Variants in PARP9 observed in about 807,000 individuals in gnomAD.
The protein encoded by PARP9 is poly(ADP-ribose) polymerase family member 9.
In PARP9, 48 loss-of-function variants were observed where a neutral mutation model predicts 68.8. The ratio of observed to expected loss-of-function variants is 0.70; its 90% CI spans 0.55 to 0.89. The LOEUF (loss-of-function observed/expected upper bound fraction) is 0.89, where lower values mean the gene tolerates loss of function less well. PARP9 is among the 40% of genes least tolerant of loss of function. The pLI is 0.00. For synonymous variants in PARP9, 309 were observed against 333.8 expected, an observed-to-expected ratio of 0.93 and a Z score of 0.81; for missense variants, 806 against 969.3, an observed-to-expected ratio of 0.83 and a Z score of 2.24.
In PARP9 at chr3:122,560,735, A is replaced by G. The variant is rs184852426; in HGVS notation, c.-89-1026T>C. ...ATAGAAACATTTTGTACAACCATCTACAGCATCAGAGCACTATTCTTACTC... is the reference window on the plus strand; with the variant it reads ...ATAGAAACATTTTGTACAACCATCTGCAGCATCAGAGCACTATTCTTACTC... On this transcript the variant is annotated intron_variant, in intron 1 of 10. Coordinates refer to ENST00000682323, the MANE Select transcript of PARP9 (RefSeq NM_001146105.2). 9.8e-5 allele frequency among the ~76,000 whole-genome samples: 15 copies of G among 152,320 alleles called. No homozygotes were observed. The East Asian group carries it at 2.5e-3, about 25-fold the overall frequency.
At chr3:122,540,898 GT>G (rs200685111) in intron 7 of PARP9, 46 bp from the exon 8 acceptor site, 184 of 1,462,720 alleles carry the variant, frequency 1.3e-4, no homozygotes, top group South Asian at 3.0e-4. Context: ...GCAGTTTTTT[GT>G]TTTTTTTTTG....
intron 10 of PARP9, chr3:122,533,712 T>C (rs1176242744): frequency 1.0e-6 from 1 of 985,454 alleles, no homozygotes; most frequent in Non-Finnish European, 1.2e-6. Flanking sequence ...AGAAACTGCA[T>C]GTGTAGATGC....
At chr3:122,539,507 A>ATTTATTTATTTCTTTC (rs1553714535) in intron 8 of PARP9, among the ~76,000 whole-genome samples, 1 of 133,162 alleles carries the variant, frequency 7.5e-6, no homozygotes, top group African/African-American at 2.9e-5. Context: ...CCAAGATGGC[A>ATTTATTTATTTCTTTC]TTTCTTTCTT....
At chr3:122,547,016 A>T (rs7653866) in intron 6 of PARP9, among the ~76,000 whole-genome samples, 2,648 of 66,084 alleles carry the variant, frequency 0.04, 135 homozygotes, top group African/African-American at 0.11. Flanking sequence ...ATATATATAC[A>T]CACACACACA....
intron 8 of PARP9, among the ~76,000 whole-genome samples, chr3:122,540,008 A>G (rs920447646): frequency 1.3e-5 from 2 of 152,232 alleles, no homozygotes; most frequent in Admixed American, 1.3e-4. Flanking sequence ...CACATTACCA[A>G]TGTATAACTT....
intron 3 of PARP9, 112 bp downstream of exon 3, chr3:122,558,322 C>A (rs2107730232): frequency 6.2e-7 from 1 of 1,613,650 alleles, no homozygotes; most frequent in East Asian, 2.2e-5. Flanking sequence ...GGTCTGCAGT[C>A]ACGCACCTGA....
intron 10 of PARP9, chr3:122,535,853 A>G (rs2077600624): frequency 5.2e-6 from 6 of 1,154,894 alleles, no homozygotes; most frequent in African/African-American, 3.2e-5. Context: ...CAAAAAAAAA[A>G]AAAAAAAGCC....
chr3:122,529,710 C>T (rs553470858), intron 10 of PARP9, among the ~76,000 whole-genome samples: 6 of 148,360 alleles, frequency 4.0e-5, no homozygotes, highest in African/African-American at 1.2e-4. Context: ...GCCGAGGTTG[C>T]GCCACTGCAC....
chr3:122,554,081 C>A (rs2079435285), intron 4 of PARP9, among the ~76,000 whole-genome samples: 1 of 152,186 alleles, frequency 6.6e-6, no homozygotes, highest in African/African-American at 2.4e-5. Context: ...CAGCCCCTGG[C>A]AGAGTTATAT....
At chr3:122,555,032 C>T (rs949760967) in intron 4 of PARP9, among the ~76,000 whole-genome samples, 6 of 151,974 alleles carry the variant, frequency 3.9e-5, no homozygotes, top group African/African-American at 1.4e-4. Context: ...TAAAAAAAAA[C>T]TTAAATTAAA....
rs564860433 is a variant in PARP9 at position 122,533,891 on chromosome 3, T to C, written c.2080+2277A>G. 3.5e-5 allele frequency: 34 copies of C among 985,494 alleles called. No homozygotes were observed. In the African/African-American group the frequency reaches 5.4e-4, roughly 16 times the overall value. 61.0% of individuals were successfully genotyped at this position (985,494 alleles called of 1,614,324 possible). On this transcript the variant is annotated intron_variant, in intron 10 of 10. Coordinates refer to ENST00000682323, the MANE Select transcript of PARP9 (RefSeq NM_001146105.2). ...CTGAGAGTCCTATAATTTGGAATATTGCACGGCTGAAAAAGCTAAGAGCTT... is the reference window on the plus strand; with the variant it reads ...CTGAGAGTCCTATAATTTGGAATATCGCACGGCTGAAAAAGCTAAGAGCTT...
At position 122,550,636 on chromosome 3, in the gene PARP9, T is replaced by A; in HGVS notation, c.1274A>T (p.His425Leu). The A allele has an allele frequency of 1.2e-6, 2 of 1,613,906 alleles. No homozygotes were observed. The highest frequency in any genetic ancestry group is 1.7e-6 in the Non-Finnish European group (2 of 1,180,002). Residue 425 changes from histidine to leucine, a missense_variant, in exon 6 of 11, where the codon CAC becomes CTC. Transcript: ENST00000682323. ...VLTFAKDHVK[H>L]QLTVKFVIFP... ...GATCACAAATTTTACAGTTAACTGG[T>A]GTTTTACATGGTCTTTGGCAAATGT...
rs771902999 is a variant in PARP9, at chr3:122,559,623, T to C, written c.-3A>G. ...CTTTTTACCATGGAAAAGTCCATCC[T>C]CCAGGTCCCCGGGGGAGTCTTTAAA... On this transcript the variant is annotated 5_prime_UTR_variant, in exon 2 of 11. Transcript: ENST00000682323. 7 of 1,589,970 alleles carry C rather than the reference T, an allele frequency of 4.4e-6. No homozygotes were observed. The highest frequency in any genetic ancestry group is 6.0e-6 in the Non-Finnish European group (7 of 1,168,124).
In PARP9 at chr3:122,532,135, G is replaced by C. The variant is rs1235863269; in HGVS notation, c.2081-3392C>G. ...TGAGTGGAGAGTGGCAATGGCTGGAGAAGTCTCTGGAGCAGGTGAGGACCA... is the reference window on the plus strand; with the variant it reads ...TGAGTGGAGAGTGGCAATGGCTGGACAAGTCTCTGGAGCAGGTGAGGACCA... On this transcript the variant is annotated intron_variant, in intron 10 of 10. Coordinates refer to ENST00000682323, the MANE Select transcript of PARP9 (RefSeq NM_001146105.2). 7.1e-6 allele frequency: 7 copies of C among 985,252 alleles called. No individual in the cohort carries two copies. The East Asian group carries it at 6.8e-4, about 96-fold the overall frequency. 61.0% of individuals were successfully genotyped at this position (985,252 alleles called of 1,614,324 possible).
At chr3:122,548,666 G>T (rs2078953331) in intron 6 of PARP9, among the ~76,000 whole-genome samples, 1 of 152,134 alleles carries the variant, frequency 6.6e-6, no homozygotes, top group Non-Finnish European at 1.5e-5. Context: ...AACTCAGCTT[G>T]ATCTGTCCAC....
chr3:122,553,349 A>C (rs1170702584), intron 4 of PARP9, among the ~76,000 whole-genome samples: 1 of 152,088 alleles, frequency 6.6e-6, no homozygotes, highest in African/African-American at 2.4e-5. Context: ...TCCTTCCCCC[A>C]TGCCCAGATT....
intron 10 of PARP9, chr3:122,532,063 C>G: frequency 1.2e-6 from 1 of 807,254 alleles, no homozygotes; most frequent in Non-Finnish European, 1.5e-6. Context: ...CAGACAGGAC[C>G]CTGGCCTGAC....
intron 1 of PARP9, among the ~76,000 whole-genome samples, chr3:122,561,701 TTCTG>T (rs1236079773): frequency 6.6e-6 from 1 of 152,192 alleles, no homozygotes; most frequent in Admixed American, 6.5e-5. Flanking sequence ...TGCCCCAGGA[TTCTG>T]TCTAAGGCGT....
intron 10 of PARP9, chr3:122,534,390 A>G: frequency 1.0e-6 from 1 of 985,452 alleles, no homozygotes; most frequent in African/African-American, 1.7e-5. Flanking sequence ...TGCAAAATAA[A>G]GGTTTTACAA....
Sources: allele counts gnomAD v4.1 joint callset (sites outside exome capture counted in the v4.1 genomes callset), GRCh38; gene constraint gnomAD v4.1.1; transcripts MANE v1.5; gene names NCBI Gene and HGNC (gene_info 2026-07-23, HGNC 2026-07-21).